The following PRKG1 variants were observed in gnomAD, a reference collection of about 807,000 sequenced individuals.
The protein encoded by PRKG1 is protein kinase cGMP-dependent 1.
In PRKG1, 35 loss-of-function variants were observed where a neutral mutation model predicts 88.1. The observed-to-expected ratio is 0.40, with a 90% CI of 0.30 to 0.53. The LOEUF is 0.53. Among genes scored for constraint, PRKG1 ranks in the 20% least tolerant of loss-of-function variants. PRKG1 has a pLI of 0.59. For synonymous variants in PRKG1, 303 were observed against 292.5 expected (o/e 1.04, Z -0.37); for missense variants, 540 against 839.8 (o/e 0.64, Z 4.41).
intron 5 of PRKG1, among the ~76,000 whole-genome samples, chr10:51,999,841 T>G (rs1018587032): frequency 3.3e-5 from 5 of 152,052 alleles, no homozygotes; most frequent in Non-Finnish European, 7.4e-5. Flanking sequence ...AAGGTTAACT[T>G]TTTTCAACTA....
intron 2 of PRKG1, among the ~76,000 whole-genome samples, chr10:51,205,069 A>T (rs1327026720): frequency 7.0e-6 from 1 of 143,404 alleles, no homozygotes; most frequent in Non-Finnish European, 1.5e-5. Context: ...TAGCTCAGAT[A>T]TTATCCCCTC....
intron 9 of PRKG1, among the ~76,000 whole-genome samples, chr10:52,182,935 C>T (rs891821691): frequency 2.0e-5 from 3 of 152,060 alleles, no homozygotes; most frequent in South Asian, 4.1e-4. Flanking sequence ...TTTAGTGAGG[C>T]CTCAGGAAAT....
intron 2 of PRKG1, among the ~76,000 whole-genome samples, chr10:51,239,522 A>C (rs1839094823): frequency 1.3e-5 from 2 of 152,200 alleles, no homozygotes; most frequent in Non-Finnish European, 2.9e-5. Context: ...ACATTTAATA[A>C]TGTGTGAAAT....
At chr10:51,223,169 C>T (rs375287599) in intron 2 of PRKG1, among the ~76,000 whole-genome samples, 2 of 152,088 alleles carry the variant, frequency 1.3e-5, no homozygotes, top group East Asian at 3.9e-4. Context: ...ACCCATTGAT[C>T]TACATATCCT....
chr10:52,209,164 C>T (rs1389866356), intron 9 of PRKG1, among the ~76,000 whole-genome samples: 1 of 152,096 alleles, frequency 6.6e-6, no homozygotes, highest in African/African-American at 2.4e-5. Flanking sequence ...ACTTTTTCTG[C>T]AGTGAGCTTT....
chr10:51,296,797 G>A (rs1480777451), intron 2 of PRKG1, among the ~76,000 whole-genome samples: 1 of 151,992 alleles, frequency 6.6e-6, no homozygotes, highest in Non-Finnish European at 1.5e-5. Flanking sequence ...CCTAGTGTAG[G>A]CATTTATGTT....
chr10:51,964,795 C>T (rs1485998011), intron 5 of PRKG1, among the ~76,000 whole-genome samples: 22 of 152,144 alleles, frequency 1.4e-4, no homozygotes, highest in Admixed American at 1.4e-3. Flanking sequence ...TGTTGCCCAG[C>T]TTCAACTGCA....
intron 5 of PRKG1, among the ~76,000 whole-genome samples, chr10:51,983,354 G>A (rs74132876): frequency 0.094 from 14,337 of 152,160 alleles, 1,821 homozygotes; most frequent in African/African-American, 0.28. Flanking sequence ...GGGAACCGGT[G>A]GGCTGGTGTA....
intron 7 of PRKG1, among the ~76,000 whole-genome samples, chr10:52,085,962 A>C (rs1406387968): frequency 1.3e-5 from 2 of 152,134 alleles, no homozygotes; most frequent in African/African-American, 4.8e-5. Flanking sequence ...TTCCCTTTAC[A>C]TGAGATTCTA....
At chr10:51,251,091 T>C (rs1839416274) in intron 2 of PRKG1, among the ~76,000 whole-genome samples, 2 of 151,822 alleles carry the variant, frequency 1.3e-5, no homozygotes, top group Admixed American at 6.6e-5. Context: ...GCTTCACTGA[T>C]ACACATGAAC....
At chr10:51,690,958 C>T (rs1052585584) in intron 3 of PRKG1, among the ~76,000 whole-genome samples, 1 of 144,602 alleles carries the variant, frequency 6.9e-6, no homozygotes, top group Non-Finnish European at 1.5e-5. Flanking sequence ...AAAAGAATTA[C>T]GTTCCATTAT....
chr10:51,490,075 T>TTC (rs1840665974), intron 3 of PRKG1, among the ~76,000 whole-genome samples: 1 of 152,072 alleles, frequency 6.6e-6, no homozygotes, highest in Admixed American at 6.6e-5. Flanking sequence ...ATGAAACAGT[T>TTC]GTTTAGGTAT....
chr10:50,991,167 C>T lies in PRKG1; in HGVS notation c.-212C>T, dbSNP rs1240503565. The T allele has an allele frequency of 1.7e-6, 1 of 604,444 alleles. No individual in the cohort carries two copies. Among genetic ancestry groups the T allele is most frequent in the East Asian group, 3.8e-5 (1 of 26,326 alleles). 37.4% of individuals were successfully genotyped at this position (604,444 alleles called of 1,614,324 possible). On this transcript the variant is annotated 5_prime_UTR_variant, in exon 1 of 18. Coordinates refer to the PRKG1 transcript ENST00000401604. This position sits in a 1 kb window ranked among gnomAD's most constrained non-coding sequence, Gnocchi z 4.5. Reference sequence around the variant, plus strand: ...ATCGCTTTTAGACTTCTCATCCTCCCCTCGGTGCTTTTAGTCCATTCAGCA... The same window carrying T: ...ATCGCTTTTAGACTTCTCATCCTCCTCTCGGTGCTTTTAGTCCATTCAGCA...
chr10:51,163,384 C>T (rs1846417038), intron 2 of PRKG1, among the ~76,000 whole-genome samples: 1 of 152,168 alleles, frequency 6.6e-6, no homozygotes, highest in South Asian at 2.1e-4. Context: ...AGATGGTTTT[C>T]CATTTCACAA....
intron 1 of PRKG1, among the ~76,000 whole-genome samples, chr10:50,993,459 C>T (rs930497437): frequency 6.6e-6 from 1 of 152,186 alleles, no homozygotes; most frequent in African/African-American, 2.4e-5. Context: ...CTTGCCCTTG[C>T]CTGGGAAGCT....
chr10:52,080,246 C>T (rs1846737350), intron 7 of PRKG1, among the ~76,000 whole-genome samples: 3 of 152,172 alleles, frequency 2.0e-5, no homozygotes, highest in Non-Finnish European at 4.4e-5. Flanking sequence ...CCAATATCCA[C>T]TTATAAGGTC....
intron 14 of PRKG1, among the ~76,000 whole-genome samples, chr10:52,285,321 T>C (rs1842093917): frequency 1.3e-5 from 2 of 152,120 alleles, no homozygotes; most frequent in Non-Finnish European, 2.9e-5. Flanking sequence ...AGGAATAATT[T>C]TAAAATACAT....
intron 7 of PRKG1, among the ~76,000 whole-genome samples, chr10:52,067,065 C>T (rs547469023): frequency 3.9e-5 from 6 of 152,220 alleles, no homozygotes; most frequent in South Asian, 2.1e-4. Flanking sequence ...TCCAACATTT[C>T]GCAAATCAAA....
intron 2 of PRKG1, among the ~76,000 whole-genome samples, chr10:51,283,220 G>GAA (rs149811387): frequency 6.8e-6 from 1 of 146,342 alleles, no homozygotes; most frequent in African/African-American, 2.5e-5. Context: ...AAACTATAAG[G>GAA]AAAAAAAAAC....
Sources: gnomAD v4.1 joint callset for allele counts (sites outside exome capture counted in the v4.1 genomes callset) on GRCh38, gnomAD v4.1.1 for gene constraint, Gnocchi (gnomAD v3.1) non-coding constraint, MANE v1.5 for transcripts, NCBI Gene and HGNC (gene_info 2026-07-23, HGNC 2026-07-21) for gene names.